The following TPCN2 variants were observed in gnomAD, a reference collection of about 807,000 sequenced individuals.
The protein encoded by TPCN2 is two pore segment channel 2.
A neutral mutation model predicts 111.4 loss-of-function variants in TPCN2; 92 were observed. The ratio of observed to expected loss-of-function variants is 0.83; its 90% CI spans 0.70 to 0.98. TPCN2 has a LOEUF of 0.98. Ranked by LOEUF, TPCN2 falls within the 50% of genes least tolerant of loss-of-function variation. The pLI, the probability that TPCN2 is intolerant of heterozygous loss-of-function variation, is 0.00. For missense variants in TPCN2, 995 were observed against 980.1 expected (o/e 1.02, Z -0.20); for synonymous variants, 405 against 414.5 (o/e 0.98, Z 0.28).
intron 5 of TPCN2, among the ~76,000 whole-genome samples, chr11:69,058,585 T>TC (rs1264794635): frequency 6.6e-6 from 1 of 152,120 alleles, no homozygotes. Flanking sequence ...GCATCTCCTG[T>TC]CCCCGCCTGC....
chr11:69,071,880 G>C (rs747867222), intron 10 of TPCN2, 43 bp from the exon 11 acceptor site: 3 of 1,574,850 alleles, frequency 1.9e-6, no homozygotes, highest in East Asian at 2.2e-5. Flanking sequence ...GTTCTGAGCT[G>C]GGGGAGGGCT....
chr11:69,054,871 G>A, intron 3 of TPCN2, 74 bp downstream of exon 3: 1 of 1,472,616 alleles, frequency 6.8e-7, no homozygotes, highest in Non-Finnish European at 9.4e-7. Context: ...CCCACCTGGG[G>A]ATCACCTGGT....
chr11:69,082,964 C>T (rs1486630526), intron 18 of TPCN2, among the ~76,000 whole-genome samples: 2 of 149,836 alleles, frequency 1.3e-5, no homozygotes, highest in Admixed American at 1.3e-4. Flanking sequence ...ACATCGCATG[C>T]AGATATCCTT....
In TPCN2 at chr11:69,088,148, G is replaced by A; in HGVS notation, c.*195G>A. 1 of 564,340 alleles carries A rather than the reference G, an allele frequency of 1.8e-6. No homozygotes were observed. The highest frequency in any genetic ancestry group is 2.2e-5 in the South Asian group (1 of 44,494). The allele number at this position is 564,340 out of a possible 1,614,324, so 35.0% of individuals were successfully genotyped here. A position where few individuals can be genotyped will look rare whatever the true frequency, so the allele number is the denominator to read the frequency against. On this transcript the variant is annotated 3_prime_UTR_variant, in exon 25 of 25. Coordinates refer to ENST00000294309, the MANE Select transcript of TPCN2 (RefSeq NM_139075.4). ...AACCATCTACAGAACAGCTGCTGGT[G>A]CTTCAGGGAGGCGCCGTGCCCTCCG...
At chr11:69,064,921 CTGTA>C (rs944530322) in intron 7 of TPCN2, among the ~76,000 whole-genome samples, 8 of 149,412 alleles carry the variant, frequency 5.4e-5, no homozygotes, top group African/African-American at 2.0e-4. Context: ...TGCATGGTGT[CTGTA>C]TGTCTGTGTG....
chr11:69,085,029 G>A (rs58312191), intron 19 of TPCN2, among the ~76,000 whole-genome samples, 181 bp from the exon 20 acceptor site: 6,381 of 152,234 alleles, frequency 0.042, 458 homozygotes, highest in African/African-American at 0.14. Flanking sequence ...CTGTGGACCC[G>A]CCAGCCCTGG....
At chr11:69,082,110 G>T in intron 18 of TPCN2, among the ~76,000 whole-genome samples, 1 of 152,276 alleles carries the variant, frequency 6.6e-6, no homozygotes, top group Middle Eastern at 3.4e-3. Flanking sequence ...TCTGAGCTGT[G>T]CACCTGTCCC....
intron 4 of TPCN2, among the ~76,000 whole-genome samples, chr11:69,056,298 G>C (rs533045153): frequency 2.6e-5 from 4 of 152,330 alleles, no homozygotes; most frequent in African/African-American, 4.8e-5. Flanking sequence ...GCTGTGTGCC[G>C]ACCGAGGGTT....
chr11:69,064,523 A>G (rs537697265), intron 7 of TPCN2, among the ~76,000 whole-genome samples: 18 of 152,186 alleles, frequency 1.2e-4, no homozygotes, highest in Non-Finnish European at 1.8e-4. Context: ...CCCGGGGCCC[A>G]GCAGCTCGTT....
At chr11:69,084,948 AG>A (rs1340588577) in intron 19 of TPCN2, 4 of 415,506 alleles carry the variant, frequency 9.6e-6, no homozygotes, top group Non-Finnish European at 1.3e-5. Context: ...TGTGGCTGCC[AG>A]GGTACCTGGG....
At chr11:69,063,859 C>T (rs369814819) in intron 6 of TPCN2, 36 bp from the exon 7 acceptor site, 13 of 1,608,450 alleles carry the variant, frequency 8.1e-6, no homozygotes, top group African/African-American at 4.0e-5. Flanking sequence ...GCCTGCCCGC[C>T]GCCTGGCCCA....
Position 69,090,391 on chromosome 11 carries a change from G to C in TPCN2, c.*2438G>C, listed in dbSNP as rs1011972006. On this transcript the variant is annotated 3_prime_UTR_variant, in exon 25 of 25. Coordinates refer to ENST00000294309, the MANE Select transcript of TPCN2 (RefSeq NM_139075.4). Reference sequence around the variant, plus strand: ...ATCACTGCCACCCACTCCCCACAGAGATGCCCTGCTCATCCGACTGGGGCT... The same window carrying C: ...ATCACTGCCACCCACTCCCCACAGACATGCCCTGCTCATCCGACTGGGGCT... The C allele has an allele frequency of 6.6e-6, 1 of 152,192 alleles. No homozygotes were observed. The highest frequency in any genetic ancestry group is 2.4e-5 in the African/African-American group (1 of 41,398). The allele number at this position is 152,192 out of a possible 1,614,324, so 9.4% of individuals were successfully genotyped here. A position where few individuals can be genotyped will look rare whatever the true frequency, so the allele number is the denominator to read the frequency against.
intron 19 of TPCN2, chr11:69,084,719 G>T: frequency 3.0e-6 from 3 of 985,470 alleles, no homozygotes; most frequent in Non-Finnish European, 3.6e-6. Context: ...GGGCCGCAGG[G>T]TGCTCTGGGC....
chr11:69,055,260 T>C lies in TPCN2; in HGVS notation c.337T>C (p.Tyr113His), dbSNP rs1457287882. ...SSLTSTADVR[Y>H]RAAPWEPPCG... ...ACTCACCAGCACGGCGGACGTGCGC[T>C]ACCGCGCTGCTCCCTGGGAGCCGCC... Residue 113 changes from tyrosine (Y) to histidine (H), a missense_variant, in exon 4 of 25, where the codon TAC becomes CAC. Transcript: ENST00000294309. 8 of 1,614,012 alleles carry C rather than the reference T, an allele frequency of 5.0e-6. No homozygotes were observed. The highest frequency in any genetic ancestry group is 1.3e-5 in the African/African-American group (1 of 74,954).
rs1856221128 is a variant in TPCN2, at chr11:69,085,259, T to G, written c.1811T>G (p.Val604Gly). 6.2e-7 allele frequency: 1 copy of G among 1,604,810 alleles called. No individual in the cohort carries two copies. The highest frequency in any genetic ancestry group is 1.7e-5 in the Admixed American group (1 of 59,614). The part of the protein sequence containing the change: ...AIIGINLFRG[V>G]IVALPGNSSL... ...ATTGGGATCAACTTGTTTAGAGGCG[T>G]CATTGTGGCTCTTCCTGGAAACAGC... The change falls in exon 20 of 25, where the codon GTC (valine) becomes GGC (glycine). Residue 604 changes from valine to glycine, a missense_variant. Transcript: ENST00000294309.
intron 6 of TPCN2, 65 bp from the exon 7 acceptor site, chr11:69,063,830 A>G: frequency 6.6e-7 from 1 of 1,518,132 alleles, no homozygotes; most frequent in African/African-American, 1.4e-5. Context: ...CGAGCCCTGC[A>G]GGCAGGTCAG....
rs374174842 is a variant in TPCN2, at chr11:69,085,818, C to T, written c.1921-30C>T. ...TCCTCCCCTCCCTACCTCCTGGGCC[C>T]TCCTGGACCGCTGGTCTCTGCCCCC... On this transcript the variant is annotated intron_variant, in intron 21 of 24. Transcript: ENST00000294309. 1.7e-5 allele frequency: 28 copies of T among 1,613,542 alleles called. No individual in the cohort carries two copies. In the African/African-American group the frequency reaches 3.7e-4, roughly 22 times the overall value.
intron 1 of TPCN2, among the ~76,000 whole-genome samples, chr11:69,053,571 C>T (rs902740171): frequency 1.3e-5 from 2 of 152,150 alleles, no homozygotes; most frequent in East Asian, 1.9e-4. Context: ...CCCCATGTAC[C>T]GAGCATGCCT....
chr11:69,062,885 C>T lies in TPCN2; in HGVS notation c.548C>T (p.Pro183Leu). 6.2e-7 allele frequency: 1 copy of T among 1,613,826 alleles called. No homozygotes were observed. The highest frequency in any genetic ancestry group is 1.1e-5 in the South Asian group (1 of 91,074). ...CTCAGTTTCCTGGGTCTCTTCCAGC[C>T]CCTGCGGATCCGCCGGCTTCTCCGT... The part of the protein sequence containing the change: ...TVSLSLVCHE[P>L]LRIRRLLRPF... Residue 183 changes from proline (P) to leucine (L), a missense_variant and splice_region_variant, in exon 6 of 25, where the codon CCC becomes CTC. Pro to Leu is a moderately conservative substitution (Grantham distance 98, BLOSUM62 -3). Coordinates refer to ENST00000294309, the MANE Select transcript of TPCN2 (RefSeq NM_139075.4).
Sources: gnomAD v4.1 joint callset for allele counts (sites outside exome capture counted in the v4.1 genomes callset) on GRCh38, gnomAD v4.1.1 for gene constraint, MANE v1.5 for transcripts, NCBI Gene and HGNC (gene_info 2026-07-23, HGNC 2026-07-21) for gene names.